The following PRAMEF6 variants were observed in gnomAD, a reference collection of about 807,000 sequenced individuals.
PRAMEF6 encodes the protein PRAME family member 6.
For synonymous variants in PRAMEF6, 8 were observed against 134.4 expected, an observed-to-expected ratio of 0.06 and a Z score of 6.51; for missense variants, 29 against 349.2, an observed-to-expected ratio of 0.08 and a Z score of 7.31.
chr1:12,939,721 G>T (rs375190599), intron 3 of PRAMEF6, among the ~76,000 whole-genome samples: 1 of 112,494 alleles, frequency 8.9e-6, no homozygotes, highest in South Asian at 3.4e-4. Flanking sequence ...AAAAAAAGGA[G>T]AAAAAAATAA....
chr1:12,941,672 C>T lies in PRAMEF6; in HGVS notation c.288-107G>A, dbSNP rs1641721036. 4 of 718,480 alleles carry T rather than the reference C, an allele frequency of 5.6e-6. 1 individual carries two copies. In the East Asian group the frequency reaches 1.3e-4, roughly 23 times the overall value. 44.5% of individuals were successfully genotyped at this position (718,480 alleles called of 1,614,324 possible). A position where few individuals can be genotyped will look rare whatever the true frequency, so the allele number is the denominator to read the frequency against. Reference sequence around the variant, plus strand: ...CCCTCCCTGCTTCTTCTCCCTCTCTCTGACTTTTCTTCACCCTGTTTTCCC... The same window carrying T: ...CCCTCCCTGCTTCTTCTCCCTCTCTTTGACTTTTCTTCACCCTGTTTTCCC... On this transcript the variant is annotated intron_variant, in intron 2 of 3. Transcript: ENST00000376189.
intron 3 of PRAMEF6, among the ~76,000 whole-genome samples, chr1:12,940,021 T>G (rs1261816204): frequency 2.9e-4 from 1 of 3,420 alleles, no homozygotes; most frequent in Non-Finnish European, 6.2e-4. Flanking sequence ...ATCATGCATT[T>G]CCTAGGTAAT....
Position 12,938,509 on chromosome 1 carries a change from C to T in PRAMEF6, c.*166G>A, listed in dbSNP as rs535878865. The T allele has an allele frequency of 1.0e-5, 8 of 770,446 alleles. 3 individuals carry two copies. In the African/African-American group the frequency reaches 2.0e-4, roughly 19 times the overall value. 47.7% of individuals were successfully genotyped at this position (770,446 alleles called of 1,614,324 possible). A position where few individuals can be genotyped will look rare whatever the true frequency, so the allele number is the denominator to read the frequency against. On this transcript the variant is annotated 3_prime_UTR_variant, in exon 4 of 4. Coordinates refer to ENST00000376189, the MANE Select transcript of PRAMEF6 (RefSeq NM_001010889.2). ...TCCCATCGAATCCATGGCAACACTT[C>T]CCCCAAGTCCTGCCCCTGCTTGATC... is the stretch of plus-strand genomic sequence containing the variant.
chr1:12,938,527 G>A lies in PRAMEF6; in HGVS notation c.*148C>T, dbSNP rs1231643849. On this transcript the variant is annotated 3_prime_UTR_variant, in exon 4 of 4. Coordinates refer to ENST00000376189, the MANE Select transcript of PRAMEF6 (RefSeq NM_001010889.2). ...AACACTTCCCCCAAGTCCTGCCCCT[G>A]CTTGATCACCTTCCCTTTCCCACTT... The A allele has an allele frequency of 5.1e-6, 5 of 971,868 alleles. 1 individual carries two copies. The highest frequency in any genetic ancestry group is 7.1e-6 in the Non-Finnish European group (5 of 704,512). 60.2% of individuals were successfully genotyped at this position (971,868 alleles called of 1,614,324 possible).
At position 12,941,433 on chromosome 1, in the gene PRAMEF6, C is replaced by T. The variant is rs150586267; in HGVS notation, c.420G>A (p.Arg140=). 1.4e-6 allele frequency: 2 copies of T among 1,428,050 alleles called. No homozygotes were observed. The highest frequency in any genetic ancestry group is 2.6e-5 in the East Asian group (1 of 39,096). The allele number at this position is 1,428,050 out of a possible 1,614,324, so 88.5% of individuals were successfully genotyped here. Residue 140 remains arginine, a synonymous_variant, in exon 3 of 4, where the codon AGG becomes AGA. Coordinates refer to ENST00000376189, the MANE Select transcript of PRAMEF6 (RefSeq NM_001010889.2). ...RNKTPVQDCP[R]MRGQQPLTVF... is the part of the protein sequence containing the mutation. ...CAGTCAAGGGCTGCTGTCCTCTCAT[C>T]CTTGGACAGTCCTGCACTGGTGTTT...
In PRAMEF6 at chr1:12,941,367, T is replaced by C; in HGVS notation, c.486A>G (p.Glu162=). ...ELWLKNRTLD[E]YLTCLLLWVK... is the part of the protein sequence containing the mutation. ...CCCATAGAAGGAGGCAGGTGAGGTATTCATCCAGAGTCCTGTTCTTGAGCC... is the reference window on the plus strand; with the variant it reads ...CCCATAGAAGGAGGCAGGTGAGGTACTCATCCAGAGTCCTGTTCTTGAGCC... Residue 162 remains glutamate (E), a synonymous_variant, in exon 3 of 4, where the codon GAA becomes GAG. Transcript: ENST00000376189. 7.7e-7 allele frequency: 1 copy of C among 1,300,836 alleles called. No homozygotes were observed. Among genetic ancestry groups the C allele is most frequent in the Non-Finnish European group, 1.0e-6 (1 of 991,132 alleles). 80.6% of individuals were successfully genotyped at this position (1,300,836 alleles called of 1,614,324 possible). A position where few individuals can be genotyped will look rare whatever the true frequency, so the allele number is the denominator to read the frequency against.
At position 12,945,980 on chromosome 1, in the gene PRAMEF6, C is replaced by CAAAAAAAAAAAAAAAAAAAAAAA. The variant is rs75584700; in HGVS notation, c.-23+1514_-23+1536dup. ...TCCAGCCTGGGAAATAGGCTAGATT[C>CAAAAAAAAAAAAAAAAAAAAAAA]AAAAAAAAAAAAAAAAAAAAAAAAA... On this transcript the variant is annotated intron_variant, in intron 1 of 3. Coordinates refer to ENST00000376189, the MANE Select transcript of PRAMEF6 (RefSeq NM_001010889.2). Among the ~76,000 whole-genome samples, 4 of 4,282 alleles carry CAAAAAAAAAAAAAAAAAAAAAAA rather than the reference C, an allele frequency of 9.3e-4. 1 individual carries two copies. Among genetic ancestry groups the CAAAAAAAAAAAAAAAAAAAAAAA allele is most frequent in the Non-Finnish European group, 1.2e-3 (4 of 3,204 alleles). 2.8% of individuals were successfully genotyped at this position (4,282 alleles called of 152,430 possible).
At chr1:12,943,076 CCT>C (rs1557664610) in intron 1 of PRAMEF6, among the ~76,000 whole-genome samples, 5 of 145,756 alleles carry the variant, frequency 3.4e-5, no homozygotes, top group Non-Finnish European at 6.0e-5. Flanking sequence ...CCTCTCTCTC[CCT>C]CTTTCTTTCT....
At chr1:12,939,783 T>A (rs996597949) in intron 3 of PRAMEF6, among the ~76,000 whole-genome samples, 1 of 73,460 alleles carries the variant, frequency 1.4e-5, no homozygotes, top group African/African-American at 7.1e-5. Flanking sequence ...TGGATCAAGT[T>A]CACAGAATCC....
At chr1:12,946,012 A>AAAAG (rs1641755629) in intron 1 of PRAMEF6, among the ~76,000 whole-genome samples, 10 of 30,048 alleles carry the variant, frequency 3.3e-4, no homozygotes, top group Non-Finnish European at 2.9e-4. Flanking sequence ...AAAAAAAAAA[A>AAAAG]AAAGAAAAAG....
chr1:12,947,536 G>GA lies in PRAMEF6; in HGVS notation c.-43dup, dbSNP rs1373588663. 4 of 151,572 alleles carry GA rather than the reference G, an allele frequency of 2.6e-5. No individual in the cohort carries two copies. The highest frequency in any genetic ancestry group is 9.7e-5 in the African/African-American group (4 of 41,360). The allele number at this position is 151,572 out of a possible 1,614,324, so 9.4% of individuals were successfully genotyped here. A position where few individuals can be genotyped will look rare whatever the true frequency, so the allele number is the denominator to read the frequency against. ...GCTTACCAGATCTGGATGTAGTCTA[G>GA]AAGGTGCTCAGTCCTCAGGAAGAAC... On this transcript the variant is annotated 5_prime_UTR_variant, in exon 1 of 4. Coordinates refer to ENST00000376189, the MANE Select transcript of PRAMEF6 (RefSeq NM_001010889.2).
Position 12,939,736 on chromosome 1 carries a change from A to G in PRAMEF6, c.870-500T>C, listed in dbSNP as rs1235412637. ...AAAAAAAGGAGAAAAAAATAATTCCATTTGAGGCTGAGTCACTTCACCATC... is the reference window on the plus strand; with the variant it reads ...AAAAAAAGGAGAAAAAAATAATTCCGTTTGAGGCTGAGTCACTTCACCATC... On this transcript the variant is annotated intron_variant, in intron 3 of 3. Transcript: ENST00000376189. 2.8e-5 allele frequency among the ~76,000 whole-genome samples: 3 copies of G among 106,118 alleles called. 1 individual carries two copies. The highest frequency in any genetic ancestry group is 1.3e-4 in the African/African-American group (3 of 22,838). The allele number at this position is 106,118 out of a possible 152,430, so 69.6% of individuals were successfully genotyped here. A position where few individuals can be genotyped will look rare whatever the true frequency, so the allele number is the denominator to read the frequency against.
In PRAMEF6 at chr1:12,939,409, G is replaced by C. The variant is rs1417302534; in HGVS notation, c.870-173C>G. ...GTGTGATGAAGAGTTTTGCCACCGA[G>C]GTCAATTCCACTTTAGGCCCGGCCC... On this transcript the variant is annotated intron_variant, in intron 3 of 3. Coordinates refer to ENST00000376189, the MANE Select transcript of PRAMEF6 (RefSeq NM_001010889.2). Among the ~76,000 whole-genome samples the C allele has an allele frequency of 1.5e-4, 16 of 107,156 alleles. 2 individuals are homozygous for C. Among genetic ancestry groups the C allele is most frequent in the Non-Finnish European group, 1.8e-5 (1 of 55,536 alleles). 70.3% of individuals were successfully genotyped at this position (107,156 alleles called of 152,430 possible).
chr1:12,947,164 CA>C (rs1251420986), intron 1 of PRAMEF6, among the ~76,000 whole-genome samples: 2 of 1,860 alleles, frequency 1.1e-3, no homozygotes, highest in African/African-American at 8.1e-3. Context: ...TCCCCACCCT[CA>C]AAAAAAAAAA....
At position 12,938,491 on chromosome 1, in the gene PRAMEF6, G is replaced by A. The variant is rs1189732006; in HGVS notation, c.*184C>T. ...GGACACAGGTCCCCAAAGTCCCATC[G>A]AATCCATGGCAACACTTCCCCCAAG... On this transcript the variant is annotated 3_prime_UTR_variant, in exon 4 of 4. Coordinates refer to ENST00000376189, the MANE Select transcript of PRAMEF6 (RefSeq NM_001010889.2). 1.8e-5 allele frequency: 11 copies of A among 617,560 alleles called. 3 individuals are homozygous for A. Among genetic ancestry groups the A allele is most frequent in the East Asian group, 6.5e-5 (2 of 30,948 alleles). 38.3% of individuals were successfully genotyped at this position (617,560 alleles called of 1,614,324 possible). A position where few individuals can be genotyped will look rare whatever the true frequency, so the allele number is the denominator to read the frequency against.
At chr1:12,945,597 AC>A (rs1641752147) in intron 1 of PRAMEF6, among the ~76,000 whole-genome samples, 1 of 69,522 alleles carries the variant, frequency 1.4e-5, no homozygotes, top group Non-Finnish European at 2.4e-5. Flanking sequence ...TCCCCAGATT[AC>A]CGGATTGAAT....
chr1:12,941,801 A>G lies in PRAMEF6; in HGVS notation c.288-236T>C, dbSNP rs1641723929. On this transcript the variant is annotated intron_variant, in intron 2 of 3. Transcript: ENST00000376189. Reference sequence around the variant, plus strand: ...AGTGGTGTGATGTCACCTCACTGCAACCTCTGCTTCCCGGGTTCAAATGAT... The same window carrying G: ...AGTGGTGTGATGTCACCTCACTGCAGCCTCTGCTTCCCGGGTTCAAATGAT... Among the ~76,000 whole-genome samples the G allele has an allele frequency of 1.9e-5, 2 of 107,664 alleles. 1 individual carries two copies. The highest frequency in any genetic ancestry group is 1.7e-4 in the Admixed American group (2 of 11,512). 70.6% of individuals were successfully genotyped at this position (107,664 alleles called of 152,430 possible). A position where few individuals can be genotyped will look rare whatever the true frequency, so the allele number is the denominator to read the frequency against.
At chr1:12,939,964 T>C (rs7366574) in intron 3 of PRAMEF6, among the ~76,000 whole-genome samples, 23 of 7,902 alleles carry the variant, frequency 2.9e-3, no homozygotes, top group Non-Finnish European at 3.7e-3. Context: ...AAACCATCTA[T>C]CACTTTCACC....
chr1:12,938,520 T>G lies in PRAMEF6; in HGVS notation c.*155A>C, dbSNP rs878981635. The G allele has an allele frequency of 3.8e-5, 34 of 889,860 alleles. 8 individuals carry two copies. In the African/African-American group the frequency reaches 6.4e-4, roughly 17 times the overall value. 55.1% of individuals were successfully genotyped at this position (889,860 alleles called of 1,614,324 possible). ...CCATGGCAACACTTCCCCCAAGTCCTGCCCCTGCTTGATCACCTTCCCTTT... is the reference window on the plus strand; with the variant it reads ...CCATGGCAACACTTCCCCCAAGTCCGGCCCCTGCTTGATCACCTTCCCTTT... On this transcript the variant is annotated 3_prime_UTR_variant, in exon 4 of 4. Transcript: ENST00000376189.
Sources: allele counts gnomAD v4.1 joint callset (sites outside exome capture counted in the v4.1 genomes callset), GRCh38; gene constraint gnomAD v4.1.1; transcripts MANE v1.5; gene names NCBI Gene and HGNC (gene_info 2026-07-23, HGNC 2026-07-21).